The following CEP85L variants were observed in gnomAD, a reference collection of about 807,000 sequenced individuals.
The protein encoded by CEP85L is centrosomal protein of 85 kDa-like.
CEP85L carries 60 observed loss-of-function variants against 100.3 expected under a neutral mutation model. The ratio of observed to expected loss-of-function variants is 0.60; its 90% CI spans 0.49 to 0.74. The LOEUF is 0.74. Among genes scored for constraint, CEP85L ranks in the 30% least tolerant of loss-of-function variants. CEP85L has a pLI of 0.00. For synonymous variants in CEP85L, 319 were observed against 322.7 expected (o/e 0.99, Z 0.12); for missense variants, 973 against 936.2 (o/e 1.04, Z -0.51).
intron 10 of CEP85L, 26 bp from the exon 11 acceptor site, chr6:118,470,670 G>T: frequency 7.5e-7 from 1 of 1,337,504 alleles, no homozygotes; most frequent in Non-Finnish European, 1.1e-6. Context: ...AAATTGGAAA[G>T]CAAAACAGGT....
At chr6:118,693,633 C>T (rs922809194) in intron 1 of CEP85L, among the ~76,000 whole-genome samples, 1 of 152,180 alleles carries the variant, frequency 6.6e-6, no homozygotes, top group Admixed American at 6.5e-5. Context: ...CTGTCCAGGA[C>T]AGCAAACAGG....
intron 6 of CEP85L, among the ~76,000 whole-genome samples, chr6:118,488,859 T>C (rs887290770): frequency 1.3e-5 from 2 of 152,204 alleles, no homozygotes; most frequent in African/African-American, 2.4e-5. Flanking sequence ...TATGAGCAGA[T>C]TTCTCAGAAG....
intron 4 of CEP85L, among the ~76,000 whole-genome samples, chr6:118,514,524 C>CAAAAAA (rs561316113): frequency 5.7e-5 from 5 of 87,500 alleles, no homozygotes; most frequent in African/African-American, 1.3e-4. Flanking sequence ...GACACTGTCT[C>CAAAAAA]AAAAAAAAAA....
At chr6:118,520,071 A>G (rs1239821185) in intron 4 of CEP85L, among the ~76,000 whole-genome samples, 4 of 152,208 alleles carry the variant, frequency 2.6e-5, no homozygotes, top group African/African-American at 7.2e-5. Context: ...AAAGGCAACT[A>G]CGAAAAACAG....
Position 118,492,141 on chromosome 6 carries a change from C to T in CEP85L, c.1258-276G>A, listed in dbSNP as rs180881227. ...AGAAAGATAAAGTATGTAAGGTTTC[C>T]AGCATATAGGAGAAACTTCATGAAA... On this transcript the variant is annotated intron_variant, in intron 5 of 12. Coordinates refer to ENST00000368491, the MANE Select transcript of CEP85L (RefSeq NM_001042475.3). Among the ~76,000 whole-genome samples the T allele has an allele frequency of 6.0e-3, 908 of 152,026 alleles. 5 individuals carry two copies. The highest frequency in any genetic ancestry group is 0.014 in the Middle Eastern group (4 of 290).
intron 1 of CEP85L, among the ~76,000 whole-genome samples, chr6:118,637,086 C>T (rs960037962): frequency 6.6e-6 from 1 of 152,124 alleles, no homozygotes; most frequent in Non-Finnish European, 1.5e-5. Flanking sequence ...ATCATCTACT[C>T]AATATGATAC....
chr6:118,489,774 T>A (rs191884331), intron 6 of CEP85L, among the ~76,000 whole-genome samples: 147 of 152,250 alleles, frequency 9.7e-4, no homozygotes, highest in African/African-American at 3.4e-3. Flanking sequence ...GATCAAGCAA[T>A]CCTACTTCTG....
intron 3 of CEP85L, among the ~76,000 whole-genome samples, chr6:118,558,621 GCACATACACACA>G (rs760861467): frequency 1.2e-4 from 7 of 60,010 alleles, no homozygotes; most frequent in African/African-American, 3.1e-4. Flanking sequence ...AGAAACACGT[GCACATACACACA>G]CACACACACA....
At position 118,600,300 on chromosome 6, in the gene CEP85L, G is replaced by GTGTGTGTGTGTGTGTGTGT. The variant is rs1554228039; in HGVS notation, c.232+32152_232+32153insACACACACACACACACACA. Among the ~76,000 whole-genome samples, 41 of 52,244 alleles carry GTGTGTGTGTGTGTGTGTGT rather than the reference G, an allele frequency of 7.8e-4. 6 individuals are homozygous for GTGTGTGTGTGTGTGTGTGT. The highest frequency in any genetic ancestry group is 1.9e-3 in the Admixed American group (9 of 4,838). 34.3% of individuals were successfully genotyped at this position (52,244 alleles called of 152,430 possible). A position where few individuals can be genotyped will look rare whatever the true frequency, so the allele number is the denominator to read the frequency against. On this transcript the variant is annotated intron_variant, in intron 2 of 12. Transcript: ENST00000368491. The stretch of plus-strand genomic sequence containing the variant: ...CTGCCTGTCCCTGAGCCTTCCTGGG[G>GTGTGTGTGTGTGTGTGTGT]GTGTGTGTGTGTGTGTGTGTGTGTG...
At chr6:118,487,497 C>T (rs1233981230) in intron 6 of CEP85L, among the ~76,000 whole-genome samples, 1 of 151,708 alleles carries the variant, frequency 6.6e-6, no homozygotes, top group Non-Finnish European at 1.5e-5. Context: ...TTAAGAAATC[C>T]AAAAATTAGT....
intron 2 of CEP85L, among the ~76,000 whole-genome samples, chr6:118,599,805 A>G (rs189092187): frequency 6.6e-6 from 1 of 152,198 alleles, no homozygotes; most frequent in Non-Finnish European, 1.5e-5. Flanking sequence ...CAGTCTAATC[A>G]TGAGAAAAAC....
rs1772378402 is a variant in CEP85L, at chr6:118,464,400, T to C, written c.*1005A>G. ...CAATTAAAAAATGTTTATGCTACTG[T>C]TGATTCAGATATAAATAGTATTGGC... On this transcript the variant is annotated 3_prime_UTR_variant, in exon 13 of 13. Transcript: ENST00000368491. The C allele has an allele frequency of 6.6e-6, 1 of 152,150 alleles. No individual in the cohort carries two copies. Among genetic ancestry groups the C allele is most frequent in the African/African-American group, 2.4e-5 (1 of 41,466 alleles). The allele number at this position is 152,150 out of a possible 1,614,324, so 9.4% of individuals were successfully genotyped here. A position where few individuals can be genotyped will look rare whatever the true frequency, so the allele number is the denominator to read the frequency against.
At position 118,503,944 on chromosome 6, in the gene CEP85L, T is replaced by C. The variant is rs1775477659; in HGVS notation, c.1257+7354A>G. 2.0e-5 allele frequency among the ~76,000 whole-genome samples: 3 copies of C among 151,982 alleles called. No homozygotes were observed. The South Asian group carries it at 6.2e-4, about 32-fold the overall frequency. ...GGATGAACTGATAAGCTGGACTTCA[T>C]TAAAATTAAAAACTTTTTCCCTCCA... On this transcript the variant is annotated intron_variant, in intron 5 of 12. Transcript: ENST00000368491.
upstream of CEP85L, among the ~76,000 whole-genome samples, chr6:118,655,284 A>G (rs1363139377): frequency 1.3e-5 from 2 of 152,224 alleles, no homozygotes; most frequent in Admixed American, 1.3e-4. Flanking sequence ...GCAATAACCA[A>G]TAAGAAAGAA....
intron 1 of CEP85L, among the ~76,000 whole-genome samples, chr6:118,684,302 A>C (rs1026235985): frequency 2.6e-5 from 4 of 152,150 alleles, no homozygotes; most frequent in Non-Finnish European, 4.4e-5. Context: ...AAGCTTAAAG[A>C]CCAGCTGGAG....
At chr6:118,583,157 G>A (rs1364855684) in intron 2 of CEP85L, among the ~76,000 whole-genome samples, 1 of 152,222 alleles carries the variant, frequency 6.6e-6, no homozygotes, top group African/African-American at 2.4e-5. Context: ...GCTGGGTTCA[G>A]AACCAGTCTC....
intron 2 of CEP85L, among the ~76,000 whole-genome samples, chr6:118,586,728 C>T (rs1780884585): frequency 6.6e-6 from 1 of 152,192 alleles, no homozygotes; most frequent in Admixed American, 6.5e-5. Context: ...TTCAGTCTCA[C>T]CCCTACCTCA....
At chr6:118,631,089 G>A (rs1462746622) in intron 2 of CEP85L, among the ~76,000 whole-genome samples, 1 of 152,166 alleles carries the variant, frequency 6.6e-6, no homozygotes, top group Non-Finnish European at 1.5e-5. Context: ...GTGTGTCCAT[G>A]TAGTTTTATC....
At chr6:118,707,791 A>G (rs1216403692) in intron 1 of CEP85L, among the ~76,000 whole-genome samples, 2 of 152,226 alleles carry the variant, frequency 1.3e-5, no homozygotes, top group African/African-American at 4.8e-5. Context: ...TAAAACCTTA[A>G]TTCACGGAAC....
Sources: allele counts gnomAD v4.1 joint callset (sites outside exome capture counted in the v4.1 genomes callset), GRCh38; gene constraint gnomAD v4.1.1; transcripts MANE v1.5; gene names NCBI Gene and HGNC (gene_info 2026-07-23, HGNC 2026-07-21).